The following UBE2V2 variants were observed in gnomAD, a reference collection of about 807,000 sequenced individuals.
UBE2V2 encodes the protein ubiquitin conjugating enzyme E2 V2.
In UBE2V2, 9 loss-of-function variants were observed where a neutral mutation model predicts 17.2. The ratio of observed to expected loss-of-function variants is 0.52; its 90% CI spans 0.32 to 0.91. UBE2V2 has a LOEUF of 0.91. Ranked by LOEUF, UBE2V2 falls within the 40% of genes least tolerant of loss-of-function variation. The pLI is 0.04. For synonymous variants in UBE2V2, 61 were observed against 57.5 expected (o/e 1.06, Z -0.28); for missense variants, 133 against 182.6 (o/e 0.73, Z 1.56).
upstream of UBE2V2, among the ~76,000 whole-genome samples, chr8:48,004,748 A>G (rs1371466521): frequency 6.6e-6 from 1 of 151,748 alleles, no homozygotes; most frequent in East Asian, 1.9e-4. Context: ...CCAGGCTGGT[A>G]TTGAATTCCC....
chr8:48,029,875 C>T (rs1051654280), intron 1 of UBE2V2, among the ~76,000 whole-genome samples: 7 of 152,180 alleles, frequency 4.6e-5, no homozygotes, highest in African/African-American at 1.7e-4. Flanking sequence ...TTCCTGGACT[C>T]ACAGGTGAGC....
At chr8:48,056,028 G>C (rs1245087993) in intron 3 of UBE2V2, among the ~76,000 whole-genome samples, 2 of 152,194 alleles carry the variant, frequency 1.3e-5, no homozygotes, top group African/African-American at 4.8e-5. Flanking sequence ...AAAGTGCTGG[G>C]ATTACAGGCG....
Position 48,060,663 on chromosome 8 carries a change from C to CT in UBE2V2, c.292-18dup, listed in dbSNP as rs1324624319. 1.4e-6 allele frequency: 2 copies of CT among 1,438,780 alleles called. No homozygotes were observed. 89.1% of individuals were successfully genotyped at this position (1,438,780 alleles called of 1,614,324 possible). On this transcript the variant is annotated intron_variant, in intron 3 of 3. Transcript: ENST00000523111. ...ACTTTAAACTTGCTAGTTAACTGTA[C>CT]TCTTTCCTCCCCTTTCAGGTGGATG...
At chr8:48,052,215 G>T (rs2091543282) in intron 3 of UBE2V2, among the ~76,000 whole-genome samples, 1 of 152,186 alleles carries the variant, frequency 6.6e-6, no homozygotes, top group Non-Finnish European at 1.5e-5. Flanking sequence ...ACACAGAAAA[G>T]ATATTATTTA....
chr8:48,018,159 T>G (rs1374875209), intron 1 of UBE2V2, among the ~76,000 whole-genome samples: 4 of 152,152 alleles, frequency 2.6e-5, no homozygotes, highest in Non-Finnish European at 5.9e-5. Context: ...ATTTTGCCAC[T>G]TCTGTTCAAC....
chr8:48,034,998 G>C, intron 1 of UBE2V2: 1 of 984,070 alleles, frequency 1.0e-6, no homozygotes, highest in Non-Finnish European at 1.2e-6. Context: ...AGGGTGTTCA[G>C]AATTCTTACA....
intron 3 of UBE2V2, among the ~76,000 whole-genome samples, chr8:48,059,237 T>C (rs1189837264): frequency 6.6e-6 from 1 of 151,274 alleles, no homozygotes; most frequent in African/African-American, 2.4e-5. Context: ...TCCCAGCCTG[T>C]ATATAGTCTT....
At chr8:48,025,982 G>A (rs1191270737) in intron 1 of UBE2V2, among the ~76,000 whole-genome samples, 2 of 152,146 alleles carry the variant, frequency 1.3e-5, no homozygotes, top group East Asian at 1.9e-4. Flanking sequence ...TGATAGAAAC[G>A]TATCTCTGTA....
chr8:48,000,941 T>C, the UBE2V2 span, among the ~76,000 whole-genome samples: 2 of 151,948 alleles, frequency 1.3e-5, no homozygotes, highest in African/African-American at 4.8e-5. Flanking sequence ...TGTTTCTCTG[T>C]ATTTTGATGC....
the UBE2V2 span, among the ~76,000 whole-genome samples, chr8:48,002,195 G>T: frequency 6.6e-6 from 1 of 152,088 alleles, no homozygotes; most frequent in African/African-American, 2.4e-5. Flanking sequence ...GTTGCATTGG[G>T]GATTGTTTCC....
At chr8:48,003,407 G>A in the UBE2V2 span, among the ~76,000 whole-genome samples, 1 of 152,092 alleles carries the variant, frequency 6.6e-6, no homozygotes, top group Non-Finnish European at 1.5e-5. Flanking sequence ...ACTTTAAGTG[G>A]TTGAACTTTG....
intron 1 of UBE2V2, among the ~76,000 whole-genome samples, chr8:48,021,807 C>T (rs1307636884): frequency 5.9e-5 from 9 of 151,914 alleles, no homozygotes; most frequent in Non-Finnish European, 1.3e-4. Context: ...CCTGCCTCAG[C>T]CTCCTGAGTA....
At chr8:48,038,627 C>T (rs556356102) in intron 1 of UBE2V2, among the ~76,000 whole-genome samples, 7 of 152,060 alleles carry the variant, frequency 4.6e-5, no homozygotes, top group African/African-American at 7.2e-5. Context: ...TACAGGCGCA[C>T]GCCACCATGC....
chr8:48,021,694 CTT>C (rs879331983), intron 1 of UBE2V2, among the ~76,000 whole-genome samples: 1 of 140,900 alleles, frequency 7.1e-6, no homozygotes. Context: ...GCCTGGCTCT[CTT>C]TTTTTTTTTG....
intron 1 of UBE2V2, among the ~76,000 whole-genome samples, chr8:48,025,148 A>G (rs1156414495): frequency 6.6e-6 from 1 of 151,856 alleles, no homozygotes; most frequent in African/African-American, 2.4e-5. Context: ...GTTAGCCAGG[A>G]GATGGTCTCG....
intron 2 of UBE2V2, 167 bp from the exon 3 acceptor site, chr8:48,049,686 C>T (rs1292839784): frequency 2.0e-6 from 1 of 490,142 alleles, no homozygotes; most frequent in Non-Finnish European, 3.3e-6. Context: ...TGCATTTTTT[C>T]TCACCATATA....
chr8:48,057,860 T>G (rs1406864490), intron 3 of UBE2V2, among the ~76,000 whole-genome samples: 1 of 152,208 alleles, frequency 6.6e-6, no homozygotes, highest in African/African-American at 2.4e-5. Context: ...GTTTATTAGC[T>G]CTAATAATTT....
chr8:48,044,441 A>AC (rs1359935437), intron 2 of UBE2V2, among the ~76,000 whole-genome samples: 1 of 152,120 alleles, frequency 6.6e-6, no homozygotes, highest in African/African-American at 2.4e-5. Flanking sequence ...GAGCCACTGC[A>AC]CCCAGCCCCT....
At chr8:48,060,441 A>C (rs183770602) in intron 3 of UBE2V2, among the ~76,000 whole-genome samples, 3 of 152,206 alleles carry the variant, frequency 2.0e-5, no homozygotes, top group African/African-American at 7.2e-5. Context: ...ATTTAATATA[A>C]CATTTATTTC....
Sources: gnomAD v4.1 joint callset for allele counts (sites outside exome capture counted in the v4.1 genomes callset) on GRCh38, gnomAD v4.1.1 for gene constraint, MANE v1.5 for transcripts, NCBI Gene and HGNC (gene_info 2026-07-23, HGNC 2026-07-21) for gene names.